Variants in PRDM2 observed in about 807,000 individuals in gnomAD.
PRDM2 encodes PR/SET domain 2.
Under a neutral mutation model 130.0 loss-of-function variants are expected in PRDM2, and 30 were observed. The ratio of observed to expected loss-of-function variants is 0.23; its 90% CI spans 0.17 to 0.31. The LOEUF (loss-of-function observed/expected upper bound fraction) is 0.31. PRDM2 is among the 10% of genes least tolerant of loss of function. PRDM2 has a pLI of 1.00. For synonymous variants in PRDM2, 871 were observed against 782.4 expected (o/e 1.11, Z -1.89); for missense variants, 2,011 against 2,108.4 (o/e 0.95, Z 0.90).
intron 9 of PRDM2, 32 bp from the exon 10 acceptor site, chr1:13,823,127 T>C (rs2697968): frequency 0.75 from 1,198,033 of 1,589,092 alleles, 452,860 homozygotes; most frequent in Middle Eastern, 0.79. Context: ...GTGTGCTTAC[T>C]GTTATTATTT....
At chr1:13,720,649 G>A (rs945990722) in intron 2 of PRDM2, among the ~76,000 whole-genome samples, 3 of 152,194 alleles carry the variant, frequency 2.0e-5, no homozygotes, top group African/African-American at 7.2e-5. Context: ...AACTTACCGT[G>A]TTTCATATAT....
At chr1:13,810,738 C>T (rs1186075741) in intron 8 of PRDM2, among the ~76,000 whole-genome samples, 1 of 151,918 alleles carries the variant, frequency 6.6e-6, no homozygotes, top group Non-Finnish European at 1.5e-5. Context: ...TCGTGATCCG[C>T]CCGCCTCGGC....
chr1:13,805,567 G>A (rs892822938), intron 8 of PRDM2, among the ~76,000 whole-genome samples: 4 of 152,026 alleles, frequency 2.6e-5, no homozygotes, highest in Admixed American at 2.0e-4. Context: ...AGCCCCCAGG[G>A]AATATCAGCA....
At chr1:13,796,933 G>A (rs775006030) in intron 8 of PRDM2, among the ~76,000 whole-genome samples, 7 of 152,310 alleles carry the variant, frequency 4.6e-5, no homozygotes, top group East Asian at 3.9e-4. Flanking sequence ...TGGAGGGAAC[G>A]AAACAAAAGT....
chr1:13,745,833 T>G (rs1327669477), intron 5 of PRDM2, among the ~76,000 whole-genome samples: 1 of 151,938 alleles, frequency 6.6e-6, no homozygotes, highest in Non-Finnish European at 1.5e-5. Context: ...GATGGATGAG[T>G]TTTAGGCTTA....
chr1:13,764,148 G>A lies in PRDM2; in HGVS notation c.512-8930G>A, dbSNP rs562237486. On this transcript the variant is annotated intron_variant, in intron 6 of 9. Transcript: ENST00000311066. The stretch of plus-strand genomic sequence containing the variant: ...TCTTAGCTGAGAGTAAGCAATTCTC[G>A]AGGGCGTGGCTGTCTCTTCTGTTTT... Among the ~76,000 whole-genome samples, 7 of 152,240 alleles carry A rather than the reference G, an allele frequency of 4.6e-5. No homozygotes were observed. In the East Asian group the frequency reaches 9.6e-4, roughly 21 times the overall value.
chr1:13,736,330 T>A (rs1179433877), intron 4 of PRDM2, among the ~76,000 whole-genome samples: 1 of 152,064 alleles, frequency 6.6e-6, no homozygotes, highest in Non-Finnish European at 1.5e-5. Context: ...CCCAGGCTGG[T>A]CTTGAACTCA....
At chr1:13,713,437 A>G (rs1218749611) in intron 1 of PRDM2, among the ~76,000 whole-genome samples, 1 of 152,154 alleles carries the variant, frequency 6.6e-6, no homozygotes, top group Admixed American at 6.5e-5. Context: ...TGCTGTGCTT[A>G]TTTTGGTGAA....
chr1:13,756,736 A>G (rs758225688), intron 6 of PRDM2, among the ~76,000 whole-genome samples: 1 of 152,228 alleles, frequency 6.6e-6, no homozygotes, highest in Non-Finnish European at 1.5e-5. Flanking sequence ...TTTGCACATC[A>G]TGTCATTATG....
At chr1:13,788,192 T>C (rs1644779940) in intron 8 of PRDM2, 1 of 792,344 alleles carries the variant, frequency 1.3e-6, no homozygotes, top group Non-Finnish European at 1.5e-6. Flanking sequence ...CGGCGTCTAC[T>C]CAGCCCACCT....
chr1:13,736,340 A>T (rs1049008251), intron 4 of PRDM2, among the ~76,000 whole-genome samples: 1 of 151,878 alleles, frequency 6.6e-6, no homozygotes, highest in Non-Finnish European at 1.5e-5. Flanking sequence ...TCTTGAACTC[A>T]GGGGCTCATG....
chr1:13,715,612 C>A lies in PRDM2; in HGVS notation c.7C>A (p.Gln3Lys). MNQNTTEPVAATE... is the reference protein window; with the variant it reads MNKNTTEPVAATE... ...AACACAACAGGAATTGAAAATGAAT[C>A]AGGTGAGTTTAAAAATCAGAATTTA... is the stretch of plus-strand genomic sequence containing the variant. Residue 3 changes from glutamine (Q) to lysine (K), a missense_variant and splice_region_variant, in exon 2 of 10, where the codon CAG becomes AAG. By Grantham distance (53) the Gln-to-Lys change is moderately conservative. Coordinates refer to ENST00000311066, the MANE Select transcript of PRDM2 (RefSeq NM_001393986.1). The A allele has an allele frequency of 1.3e-6, 2 of 1,588,774 alleles. No individual in the cohort carries two copies. The highest frequency in any genetic ancestry group is 2.3e-5 in the South Asian group (2 of 87,032).
intron 8 of PRDM2, among the ~76,000 whole-genome samples, chr1:13,815,660 G>A (rs913844667): frequency 2.6e-5 from 4 of 152,162 alleles, no homozygotes; most frequent in Admixed American, 6.5e-5. Flanking sequence ...GCTGAGTGAC[G>A]AAAGGAGAGG....
rs557971875 is a variant in PRDM2, at chr1:13,804,412, G to C, written c.5037-12015G>C. On this transcript the variant is annotated intron_variant, in intron 8 of 9. Coordinates refer to ENST00000311066, the MANE Select transcript of PRDM2 (RefSeq NM_001393986.1). Reference sequence around the variant, plus strand: ...AGCTCCTCTCCAGGCTTCAGAACGGGCCCCTGCTGGCCACTGCAGCCTAGC... The same window carrying C: ...AGCTCCTCTCCAGGCTTCAGAACGGCCCCCTGCTGGCCACTGCAGCCTAGC... Among the ~76,000 whole-genome samples the C allele has an allele frequency of 8.9e-4, 135 of 152,296 alleles. 5 individuals carry two copies. The South Asian group carries it at 0.027, about 31-fold the overall frequency.
Position 13,727,270 on chromosome 1 carries a change from C to CT in PRDM2, c.10-3720dup, listed in dbSNP as rs200409697. On this transcript the variant is annotated intron_variant, in intron 2 of 9. Transcript: ENST00000311066. ...CCATCCCTACTCCATGACTGTGTTC[C>CT]TTTTTTTTTTGAGACGGTCTGTCAG... Among the ~76,000 whole-genome samples the CT allele has an allele frequency of 1.6e-3, 239 of 149,318 alleles. 2 individuals are homozygous for CT. The highest frequency in any genetic ancestry group is 4.5e-3 in the South Asian group (21 of 4,698).
intron 1 of PRDM2, among the ~76,000 whole-genome samples, chr1:13,712,685 A>C (rs1045671428): frequency 6.6e-6 from 1 of 152,084 alleles, no homozygotes; most frequent in Non-Finnish European, 1.5e-5. Context: ...TGAACCCTGG[A>C]AGGAGGTGGG....
At chr1:13,815,019 ATTGT>A (rs1342841857) in intron 8 of PRDM2, among the ~76,000 whole-genome samples, 3 of 152,160 alleles carry the variant, frequency 2.0e-5, no homozygotes, top group Non-Finnish European at 4.4e-5. Context: ...GAAGAGTTAG[ATTGT>A]TTGTGTATGG....
intron 8 of PRDM2, among the ~76,000 whole-genome samples, chr1:13,808,708 G>T (rs1039000761): frequency 2.0e-5 from 3 of 152,120 alleles, no homozygotes; most frequent in Non-Finnish European, 2.9e-5. Flanking sequence ...CATGTTGAGG[G>T]TCTATTATTC....
intron 6 of PRDM2, among the ~76,000 whole-genome samples, chr1:13,764,540 T>C (rs1399086481): frequency 2.0e-5 from 3 of 152,242 alleles, no homozygotes; most frequent in Non-Finnish European, 4.4e-5. Flanking sequence ...TCTTAAGATG[T>C]GGAATTATCC....
Sources: gnomAD v4.1 joint callset for allele counts (sites outside exome capture counted in the v4.1 genomes callset) on GRCh38, gnomAD v4.1.1 for gene constraint, MANE v1.5 for transcripts, NCBI Gene and HGNC (gene_info 2026-07-23, HGNC 2026-07-21) for gene names.